Variants in TMC8 observed in about 807,000 individuals in gnomAD.
TMC8 encodes the protein transmembrane channel-like protein 8.
Under a neutral mutation model 76.0 loss-of-function variants are expected in TMC8, and 71 were observed. The observed-to-expected ratio is 0.93, with a 90% CI of 0.77 to 1.14. TMC8 has a LOEUF of 1.14. Among genes scored for constraint, TMC8 ranks in the 50% most tolerant of loss-of-function variants. The pLI, the probability that TMC8 is intolerant of heterozygous loss-of-function variation, is 0.00. For missense variants in TMC8, 924 were observed against 947.9 expected (o/e 0.97, Z 0.33); for synonymous variants, 433 against 433.8 (o/e 1.00, Z 0.02).
At position 78,134,388 on chromosome 17, in the gene TMC8, G is replaced by C. The variant is rs377044337; in HGVS notation, c.817-6G>C. ...CAGCTGCCTCTGTCCCCACCCTTCC[G>C]GGCAGGTGGAGCTGGAGGAGGGCCG... On this transcript the variant is annotated splice_region_variant and splice_polypyrimidine_tract_variant and intron_variant, in intron 7 of 15. Transcript: ENST00000318430. 3 of 1,609,468 alleles carry C rather than the reference G, an allele frequency of 1.9e-6. No homozygotes were observed. The highest frequency in any genetic ancestry group is 2.2e-5 in the East Asian group (1 of 44,872).
chr17:78,137,110 T>C, intron 9 of TMC8, 125 bp from the exon 10 acceptor site: 2 of 1,462,902 alleles, frequency 1.4e-6, no homozygotes, highest in East Asian at 5.0e-5. Flanking sequence ...ACAGAGCAGG[T>C]TGGAAGGAGG....
At chr17:78,140,698 C>T in intron 15 of TMC8, 136 bp from the exon 16 acceptor site, 1 of 1,229,700 alleles carries the variant, frequency 8.1e-7, no homozygotes, top group Non-Finnish European at 1.1e-6. Context: ...CGGGGCGTGG[C>T]CTCGGGCGGG....
In TMC8 at chr17:78,134,459, C is replaced by A. The variant is rs1456578584; in HGVS notation, c.882C>A (p.Cys294Ter). The change falls in exon 8 of 16, where the codon TGC (cysteine) becomes TGA (stop). Residue 294 changes from cysteine to a stop codon, truncating the protein, a stop_gained. Coordinates refer to ENST00000318430, the MANE Select transcript of TMC8 (RefSeq NM_152468.5). LOFTEE classifies it high-confidence loss of function. ...AGCAGACCCGGGCCCAGACGGCCTGCCGCCTGCTCTCCTACCTGCGGGTCA... is the reference window on the plus strand; with the variant it reads ...AGCAGACCCGGGCCCAGACGGCCTGACGCCTGCTCTCCTACCTGCGGGTCA... ...MQQQTRAQTA[C>*]RLLSYLRVNV... is the part of the protein sequence containing the mutation. The A allele has an allele frequency of 6.2e-7, 1 of 1,613,786 alleles. No individual in the cohort carries two copies.
intron 8 of TMC8, 149 bp downstream of exon 8, chr17:78,134,713 G>T: frequency 6.6e-7 from 1 of 1,507,448 alleles, no homozygotes; most frequent in East Asian, 2.4e-5. Context: ...GCTCCCACTG[G>T]ATATTCCCGC....
chr17:78,134,318 T>G, intron 7 of TMC8, 76 bp from the exon 8 acceptor site: 24 of 1,529,204 alleles, frequency 1.6e-5, no homozygotes, highest in Non-Finnish European at 2.1e-5. Context: ...TGACTGTGTG[T>G]GAGAGCGTTT....
At chr17:78,132,646 C>T (rs527807686) in intron 4 of TMC8, 138 bp downstream of exon 4, 3 of 1,491,268 alleles carry the variant, frequency 2.0e-6, no homozygotes, top group African/African-American at 2.8e-5. Context: ...TCCCTGACCT[C>T]GCCTTGTGTG....
intron 14 of TMC8, 153 bp downstream of exon 14, chr17:78,138,885 C>T (rs777706136): frequency 6.5e-7 from 1 of 1,537,564 alleles, no homozygotes. Context: ...CCTCCTGGGC[C>T]CACCCTCTGG....
Position 78,133,014 on chromosome 17 carries a change from T to A in TMC8, c.531+144T>A, listed in dbSNP as rs1036688033. 27 of 951,808 alleles carry A rather than the reference T, an allele frequency of 2.8e-5. No individual in the cohort carries two copies. The Middle Eastern group carries it at 1.4e-3, about 51-fold the overall frequency. 59.0% of individuals were successfully genotyped at this position (951,808 alleles called of 1,614,324 possible). On this transcript the variant is annotated intron_variant, in intron 5 of 15. Transcript: ENST00000318430. ...ATGGTCTTACCTAGACAGACTGGCC[T>A]GGCCGGTGGTGGGGTTAGAGAGAGG...
At chr17:78,132,682 C>G (rs1347492887) in intron 4 of TMC8, 106 bp from the exon 5 acceptor site, 9 of 1,510,626 alleles carry the variant, frequency 6.0e-6, no homozygotes, top group African/African-American at 1.4e-5. Flanking sequence ...ACATCCTCAG[C>G]CCCCTGCCCA....
chr17:78,137,482 C>A, intron 10 of TMC8, 124 bp downstream of exon 10: 1 of 1,537,744 alleles, frequency 6.5e-7, no homozygotes, highest in Non-Finnish European at 8.9e-7. Context: ...AGCAGGGCTG[C>A]CTGCACCGCC....
rs2075390855 is a variant in TMC8 at position 78,142,597 on chromosome 17, G to A, written c.*1485G>A. ...GTCCTGTTCTGGGGGCTGGTGATGA[G>A]GCCAAGAGGGAAAGAGGGAGCTCTG... On this transcript the variant is annotated 3_prime_UTR_variant, in exon 16 of 16. Transcript: ENST00000318430. The A allele has an allele frequency of 6.6e-6, 1 of 152,388 alleles. No homozygotes were observed. The highest frequency in any genetic ancestry group is 1.5e-5 in the Non-Finnish European group (1 of 68,154). The allele number at this position is 152,388 out of a possible 1,614,324, so 9.4% of individuals were successfully genotyped here. A position where few individuals can be genotyped will look rare whatever the true frequency, so the allele number is the denominator to read the frequency against.
In TMC8 at chr17:78,141,724, G is replaced by A. The variant is rs956430933; in HGVS notation, c.*612G>A. The A allele has an allele frequency of 6.6e-6, 1 of 152,272 alleles. No individual in the cohort carries two copies. Among genetic ancestry groups the A allele is most frequent in the Non-Finnish European group, 1.5e-5 (1 of 68,056 alleles). 9.4% of individuals were successfully genotyped at this position (152,272 alleles called of 1,614,324 possible). On this transcript the variant is annotated 3_prime_UTR_variant, in exon 16 of 16. Transcript: ENST00000318430. ...CTGCCCCAGTGTGGGGCTTAGTGGC[G>A]GCTCCTGGCCCTGACTGAGGGGCTG...
rs1022187060 is a variant in TMC8 at position 78,140,736 on chromosome 17, G to C, written c.1903-98G>C. The C allele has an allele frequency of 4.0e-6, 6 of 1,499,468 alleles. No individual in the cohort carries two copies. In the Admixed American group the frequency reaches 5.9e-5, roughly 15 times the overall value. 92.9% of individuals were successfully genotyped at this position (1,499,468 alleles called of 1,614,324 possible). A position where few individuals can be genotyped will look rare whatever the true frequency, so the allele number is the denominator to read the frequency against. ...GTGGCCTCTGGCTACTTTGGGTGCG[G>C]GCTGGCCCATGGGCCGCAGAGTTGC... On this transcript the variant is annotated intron_variant, in intron 15 of 15. Transcript: ENST00000318430.
intron 15 of TMC8, among the ~76,000 whole-genome samples, chr17:78,140,564 G>C (rs761180347): frequency 6.6e-6 from 1 of 151,980 alleles, no homozygotes; most frequent in Non-Finnish European, 1.5e-5. Flanking sequence ...TCGTGGTCTC[G>C]GGCGGGGACG....
At position 78,140,893 on chromosome 17, in the gene TMC8, C is replaced by T. The variant is rs61746569; in HGVS notation, c.1962C>T (p.Gly654=). ...TGTCGCGACTGCTGCCGGAGCCAGG[C>T]CCGAGCGACTCTCCGGGCCCCAAGT... The part of the protein sequence containing the change: ...EDLSRLLPEP[G]PSDSPGPKYP... The change falls in exon 16 of 16, where the codon GGC becomes GGT. Residue 654 remains glycine (G), a synonymous_variant. Transcript: ENST00000318430. 2.9e-5 allele frequency: 46 copies of T among 1,609,176 alleles called. No homozygotes were observed. In the African/African-American group the frequency reaches 5.6e-4, roughly 20 times the overall value.
intron 15 of TMC8, 28 bp from the exon 16 acceptor site, chr17:78,140,806 C>T (rs2145739742): frequency 1.3e-6 from 2 of 1,590,000 alleles, no homozygotes; most frequent in Non-Finnish European, 1.7e-6. Context: ...CAGCGCCTGT[C>T]GCAACTCGCC....
In TMC8 at chr17:78,140,958, C is replaced by T; in HGVS notation, c.2027C>T (p.Pro676Leu). ...SQASRPQSFC[P>L]GCPCPGSPGH... is the part of the protein sequence containing the mutation. ...GCTTCGCGCCCGCAGTCCTTCTGCC[C>T]CGGATGCCCATGCCCTGGCTCCCCG... The change falls in exon 16 of 16, where the codon CCC (proline) becomes CTC (leucine). Residue 676 changes from proline to leucine, a missense_variant. Coordinates refer to ENST00000318430, the MANE Select transcript of TMC8 (RefSeq NM_152468.5). The T allele has an allele frequency of 1.3e-6, 2 of 1,593,808 alleles. No individual in the cohort carries two copies. The highest frequency in any genetic ancestry group is 1.1e-5 in the South Asian group (1 of 88,698).
chr17:78,133,519 C>CT lies in TMC8; in HGVS notation c.646dup (p.Cys216LeufsTer51). On this transcript the variant is annotated frameshift_variant, in exon 6 of 16. Coordinates refer to ENST00000318430, the MANE Select transcript of TMC8 (RefSeq NM_152468.5). LOFTEE classifies it high-confidence loss of function. ...TCAGCCCGCTGGCCTGCCTGCTCCT[C>CT]TGCTTCTGTGGGACTCTGCGGCGGT... 5 of 1,613,338 alleles carry CT rather than the reference C, an allele frequency of 3.1e-6. No individual in the cohort carries two copies. Among genetic ancestry groups the CT allele is most frequent in the Non-Finnish European group, 4.2e-6 (5 of 1,180,028 alleles).
rs1260741694 is a variant in TMC8 at position 78,134,854 on chromosome 17, C to T, written c.988-16C>T. 9 of 1,613,620 alleles carry T rather than the reference C, an allele frequency of 5.6e-6. No homozygotes were observed. The highest frequency in any genetic ancestry group is 7.6e-6 in the Non-Finnish European group (9 of 1,180,010). ...CCCCCAGCACGCGGGCTCCCCTGAC[C>T]TGCCTTTTCCCGCAGGAGTCCCTGT... On this transcript the variant is annotated splice_polypyrimidine_tract_variant and intron_variant, in intron 8 of 15. Coordinates refer to ENST00000318430, the MANE Select transcript of TMC8 (RefSeq NM_152468.5).
Sources: allele counts gnomAD v4.1 joint callset (sites outside exome capture counted in the v4.1 genomes callset), GRCh38; gene constraint gnomAD v4.1.1; transcripts MANE v1.5; gene names NCBI Gene and HGNC (gene_info 2026-07-23, HGNC 2026-07-21).